Variants in GRID2 observed in about 807,000 individuals in gnomAD.
GRID2 encodes glutamate receptor ionotropic, delta-2.
A neutral mutation model predicts 114.8 loss-of-function variants in GRID2; 33 were observed. The ratio of observed to expected loss-of-function variants is 0.29; its 90% CI spans 0.22 to 0.38. The LOEUF (loss-of-function observed/expected upper bound fraction) is 0.38, where lower values mean the gene tolerates loss of function less well. Ranked by LOEUF, GRID2 falls within the 10% of genes least tolerant of loss-of-function variation. The pLI, the probability that GRID2 is intolerant of heterozygous loss-of-function variation, is 1.00. For synonymous variants in GRID2, 505 were observed against 449.9 expected (o/e 1.12, Z -1.55); for missense variants, 1,184 against 1,257.7 (o/e 0.94, Z 0.89).
At chr4:93,440,234 A>G (rs924793948) in intron 10 of GRID2, among the ~76,000 whole-genome samples, 10 of 152,082 alleles carry the variant, frequency 6.6e-5, no homozygotes, top group Admixed American at 1.3e-4. Flanking sequence ...ATGGGCCAAG[A>G]AAACTTTGCC....
At chr4:92,963,169 T>A (rs1752931993) in intron 2 of GRID2, among the ~76,000 whole-genome samples, 1 of 152,004 alleles carries the variant, frequency 6.6e-6, no homozygotes, top group Non-Finnish European at 1.5e-5. Context: ...GCCTGGGTAT[T>A]GATGGTTGGT....
At chr4:93,667,983 T>A (rs796296475) in intron 14 of GRID2, among the ~76,000 whole-genome samples, 1 of 152,120 alleles carries the variant, frequency 6.6e-6, no homozygotes, top group African/African-American at 2.4e-5. Flanking sequence ...GTAATGATGT[T>A]TTTCACCTTT....
intron 8 of GRID2, among the ~76,000 whole-genome samples, chr4:93,366,794 G>A (rs1001276589): frequency 8.6e-5 from 13 of 151,842 alleles, no homozygotes; most frequent in Non-Finnish European, 1.3e-4. Context: ...GCTGGCCGAC[G>A]CTTAAGGAAA....
At chr4:92,664,891 T>C (rs1212981667) in intron 2 of GRID2, among the ~76,000 whole-genome samples, 1 of 151,076 alleles carries the variant, frequency 6.6e-6, no homozygotes, top group Non-Finnish European at 1.5e-5. Context: ...CTTTTTTAAA[T>C]CTGTCATTTT....
chr4:92,601,101 G>C (rs1342086269), intron 2 of GRID2, among the ~76,000 whole-genome samples: 1 of 152,174 alleles, frequency 6.6e-6, no homozygotes, highest in East Asian at 1.9e-4. Flanking sequence ...TTCCTGCAGG[G>C]AGGCCCCATC....
At chr4:92,571,958 A>G (rs558771126) in intron 1 of GRID2, among the ~76,000 whole-genome samples, 115 of 152,298 alleles carry the variant, frequency 7.6e-4, no homozygotes, top group Middle Eastern at 3.4e-3. Context: ...ACACCCTAAC[A>G]TCACAATTAA....
chr4:93,677,441 C>T (rs376973111), intron 14 of GRID2, among the ~76,000 whole-genome samples: 10 of 152,286 alleles, frequency 6.6e-5, no homozygotes, highest in South Asian at 2.1e-4. Context: ...TCTCCCAGCA[C>T]GCAGCTGGAG....
intron 1 of GRID2, among the ~76,000 whole-genome samples, chr4:92,438,128 C>T (rs13434458): frequency 0.026 from 3,978 of 152,128 alleles, 172 homozygotes; most frequent in African/African-American, 0.089. Context: ...TTATTTTATA[C>T]GTACATATGC....
chr4:92,682,682 GCACACACACACACACACACA>G (rs57217377), intron 2 of GRID2, among the ~76,000 whole-genome samples: 3 of 142,810 alleles, frequency 2.1e-5, no homozygotes, highest in African/African-American at 7.7e-5. Flanking sequence ...AAATCGCAGG[GCACACACACACACACACACA>G]CACACACACA....
intron 11 of GRID2, among the ~76,000 whole-genome samples, chr4:93,490,204 A>G (rs1198854104): frequency 1.3e-5 from 2 of 150,316 alleles, no homozygotes; most frequent in Non-Finnish European, 3.0e-5. Context: ...TTAACAAGCT[A>G]TGTTTCTAGA....
At chr4:92,947,005 A>G (rs1410786220) in intron 2 of GRID2, among the ~76,000 whole-genome samples, 2 of 152,062 alleles carry the variant, frequency 1.3e-5, no homozygotes, top group Non-Finnish European at 2.9e-5. Flanking sequence ...GAAAGTCCAA[A>G]CAAGTCAATA....
At chr4:93,225,902 T>A (rs1326467912) in intron 7 of GRID2, among the ~76,000 whole-genome samples, 1 of 152,126 alleles carries the variant, frequency 6.6e-6, no homozygotes, top group African/African-American at 2.4e-5. Context: ...GGTCATCTCA[T>A]GGCAGAAGAG....
intron 13 of GRID2, among the ~76,000 whole-genome samples, chr4:93,573,198 C>T (rs1021921982): frequency 6.6e-6 from 1 of 152,186 alleles, no homozygotes; most frequent in Non-Finnish European, 1.5e-5. Context: ...ACCTGTCAGA[C>T]TTTGCACATA....
chr4:92,996,294 T>TAA (rs113968153), intron 2 of GRID2, among the ~76,000 whole-genome samples: 5 of 145,062 alleles, frequency 3.4e-5, no homozygotes, highest in Non-Finnish European at 7.6e-5. Flanking sequence ...TCTCTCTTTC[T>TAA]AAAAAAAAAA....
chr4:93,350,285 C>T (rs1190402898), intron 8 of GRID2, among the ~76,000 whole-genome samples: 2 of 152,078 alleles, frequency 1.3e-5, no homozygotes, highest in African/African-American at 4.8e-5. Context: ...GCTTTTCTCC[C>T]CAATCACTTC....
At chr4:92,346,784 TA>T (rs1348016837) in intron 1 of GRID2, among the ~76,000 whole-genome samples, 1 of 152,202 alleles carries the variant, frequency 6.6e-6, no homozygotes, top group Non-Finnish European at 1.5e-5. Context: ...AATCAGAATA[TA>T]AAAATTTCAT....
At chr4:92,759,293 T>C (rs1578152959) in intron 2 of GRID2, among the ~76,000 whole-genome samples, 1 of 152,168 alleles carries the variant, frequency 6.6e-6, no homozygotes, top group Non-Finnish European at 1.5e-5. Flanking sequence ...AATATCAACA[T>C]AAACTTTTAA....
chr4:93,743,993 C>T (rs1250577578), intron 14 of GRID2, among the ~76,000 whole-genome samples: 1 of 152,070 alleles, frequency 6.6e-6, no homozygotes, highest in African/African-American at 2.4e-5. Context: ...ATAATTATGC[C>T]AAATCTTCTA....
intron 12 of GRID2, among the ~76,000 whole-genome samples, chr4:93,513,474 C>T (rs569829358): frequency 4.6e-5 from 7 of 152,272 alleles, no homozygotes; most frequent in Non-Finnish European, 8.8e-5. Flanking sequence ...CTTTGTTATT[C>T]AGTTGCATCC....
Sources: allele counts gnomAD v4.1 joint callset (sites outside exome capture counted in the v4.1 genomes callset), GRCh38; gene constraint gnomAD v4.1.1; transcripts MANE v1.5; gene names NCBI Gene and HGNC (gene_info 2026-07-23, HGNC 2026-07-21).